KCNQ5: variants seen among roughly 807,000 people sequenced by gnomAD.
KCNQ5 encodes the protein potassium voltage-gated channel subfamily Q member 5.
Under a neutral mutation model 98.2 loss-of-function variants are expected in KCNQ5, and 30 were observed. That is an observed-to-expected ratio of 0.31 (90% CI 0.23 to 0.41). The LOEUF is 0.41. Ranked by LOEUF, KCNQ5 falls within the 10% of genes least tolerant of loss-of-function variation. The probability of loss-of-function intolerance (pLI) is 1.00; values close to 1 mark genes in which losing one functional copy is unlikely to be tolerated. For missense variants in KCNQ5, 835 were observed against 1,182.5 expected (o/e 0.71, Z 4.31); for synonymous variants, 458 against 449.4 (o/e 1.02, Z -0.24).
chr6:73,179,714 C>T (rs1778339189), intron 11 of KCNQ5, among the ~76,000 whole-genome samples: 1 of 152,064 alleles, frequency 6.6e-6, no homozygotes, highest in Admixed American at 6.5e-5. Flanking sequence ...ATAATATCCC[C>T]ATAAATGAGG....
intron 11 of KCNQ5, among the ~76,000 whole-genome samples, chr6:73,182,123 C>G (rs1014359883): frequency 4.6e-5 from 7 of 152,166 alleles, no homozygotes; most frequent in Non-Finnish European, 8.8e-5. Flanking sequence ...GGCATTTTCT[C>G]TTAGCTCTTC....
chr6:72,746,587 ATTG>A, intron 1 of KCNQ5, among the ~76,000 whole-genome samples: 1 of 152,126 alleles, frequency 6.6e-6, no homozygotes. Flanking sequence ...GATACTTAGA[ATTG>A]TTTTCTTCCT....
chr6:72,942,169 T>C (rs1182292596), intron 1 of KCNQ5, among the ~76,000 whole-genome samples: 2 of 152,170 alleles, frequency 1.3e-5, no homozygotes, highest in Non-Finnish European at 2.9e-5. Context: ...AATAGAACAA[T>C]ATCTAGCAAA....
intron 1 of KCNQ5, among the ~76,000 whole-genome samples, chr6:72,629,701 G>A (rs1183470674): frequency 6.6e-6 from 1 of 152,182 alleles, no homozygotes; most frequent in Non-Finnish European, 1.5e-5. Context: ...TAGCCCAATG[G>A]TGTGAAACTA....
intron 1 of KCNQ5, among the ~76,000 whole-genome samples, chr6:72,668,269 T>C (rs1464485809): frequency 6.6e-6 from 1 of 152,220 alleles, no homozygotes; most frequent in Non-Finnish European, 1.5e-5. Flanking sequence ...CCCAAATCAA[T>C]ATAATTCAAC....
At chr6:72,880,514 A>G (rs1778596992) in intron 1 of KCNQ5, among the ~76,000 whole-genome samples, 2 of 152,220 alleles carry the variant, frequency 1.3e-5, no homozygotes, top group Admixed American at 6.5e-5. Context: ...AGGGGACACA[A>G]TTATTCAGAC....
chr6:73,020,186 C>T (rs1167635341), intron 2 of KCNQ5, among the ~76,000 whole-genome samples: 1 of 152,044 alleles, frequency 6.6e-6, no homozygotes, highest in Non-Finnish European at 1.5e-5. Flanking sequence ...TCTTGTGGCT[C>T]AGTCCCATGA....
At chr6:72,888,591 A>T (rs1456720333) in intron 1 of KCNQ5, among the ~76,000 whole-genome samples, 1 of 152,180 alleles carries the variant, frequency 6.6e-6, no homozygotes, top group Non-Finnish European at 1.5e-5. Flanking sequence ...GCGATGAACC[A>T]TACATGTTTC....
At chr6:73,071,578 G>A (rs1198544005) in intron 3 of KCNQ5, among the ~76,000 whole-genome samples, 1 of 152,172 alleles carries the variant, frequency 6.6e-6, no homozygotes, top group Non-Finnish European at 1.5e-5. Flanking sequence ...CTCCTGGTGA[G>A]AACCTCAGGC....
chr6:73,115,658 T>G (rs2350750), intron 7 of KCNQ5, among the ~76,000 whole-genome samples: 145,859 of 152,272 alleles, frequency 0.96, 69,854 homozygotes, highest in South Asian at 0.99. Flanking sequence ...AACCTAGAAC[T>G]CTATATCCAG....
At chr6:73,039,591 T>C (rs897639172) in intron 2 of KCNQ5, among the ~76,000 whole-genome samples, 1 of 152,212 alleles carries the variant, frequency 6.6e-6, no homozygotes, top group African/African-American at 2.4e-5. Flanking sequence ...CTACTGGGAA[T>C]ATTGTTTAAT....
intron 1 of KCNQ5, among the ~76,000 whole-genome samples, chr6:72,889,281 A>G (rs558715437): frequency 5.3e-5 from 8 of 152,194 alleles, no homozygotes; most frequent in Non-Finnish European, 1.2e-4. Flanking sequence ...CAAGGAAGTC[A>G]CTGTGGCTGG....
chr6:72,819,131 TTTTA>T (rs1291131065), intron 1 of KCNQ5, among the ~76,000 whole-genome samples: 4 of 151,890 alleles, frequency 2.6e-5, no homozygotes, highest in African/African-American at 9.7e-5. Flanking sequence ...ACAATTTTAT[TTTTA>T]TTTATTTTAA....
intron 1 of KCNQ5, among the ~76,000 whole-genome samples, chr6:72,675,051 A>T (rs1767339247): frequency 6.6e-6 from 1 of 152,210 alleles, no homozygotes; most frequent in Non-Finnish European, 1.5e-5. Context: ...TACGTAAGGC[A>T]CTGTAGTTCA....
intron 1 of KCNQ5, among the ~76,000 whole-genome samples, chr6:72,742,161 T>A (rs191584860): frequency 2.0e-5 from 3 of 152,318 alleles, no homozygotes; most frequent in Non-Finnish European, 4.4e-5. Context: ...GGGGAAGGGT[T>A]AAGAATCTCT....
At chr6:72,979,689 A>T (rs1405925496) in intron 1 of KCNQ5, among the ~76,000 whole-genome samples, 4 of 152,036 alleles carry the variant, frequency 2.6e-5, no homozygotes, top group Admixed American at 6.6e-5. Flanking sequence ...ATTAGATTCC[A>T]TTTGTCAATT....
intron 1 of KCNQ5, among the ~76,000 whole-genome samples, chr6:72,663,118 TA>T (rs1766611479): frequency 6.6e-6 from 1 of 151,768 alleles, no homozygotes; most frequent in South Asian, 2.1e-4. Flanking sequence ...AGGGGAACAT[TA>T]CACACCGGGG....
chr6:72,748,592 T>A (rs1193051771), intron 1 of KCNQ5, among the ~76,000 whole-genome samples: 1 of 152,186 alleles, frequency 6.6e-6, no homozygotes, highest in Non-Finnish European at 1.5e-5. Flanking sequence ...AAGGAGTTTC[T>A]TGCTTTGTTT....
chr6:73,054,306 A>G (rs929513758), intron 3 of KCNQ5, among the ~76,000 whole-genome samples: 1 of 152,176 alleles, frequency 6.6e-6, no homozygotes, highest in East Asian at 1.9e-4. Flanking sequence ...AACTATTCCA[A>G]AAAACAGAGG....
Sources: allele counts gnomAD v4.1 joint callset (sites outside exome capture counted in the v4.1 genomes callset), GRCh38; gene constraint gnomAD v4.1.1; transcripts MANE v1.5; gene names NCBI Gene and HGNC (gene_info 2026-07-23, HGNC 2026-07-21).